The following CDH12 variants were observed in gnomAD, a reference collection of about 807,000 sequenced individuals.
CDH12 encodes the protein cadherin-12.
CDH12 carries 41 observed loss-of-function variants against 74.1 expected under a neutral mutation model. The observed-to-expected ratio is 0.55, with a 90% CI of 0.43 to 0.72. The LOEUF is 0.72. Ranked by LOEUF, CDH12 falls within the 30% of genes least tolerant of loss-of-function variation. The probability of loss-of-function intolerance (pLI) is 0.00; values close to 1 mark genes in which losing one functional copy is unlikely to be tolerated. For synonymous variants in CDH12, 399 were observed against 355.0 expected, an observed-to-expected ratio of 1.12 and a Z score of -1.39; for missense variants, 945 against 977.2, an observed-to-expected ratio of 0.97 and a Z score of 0.44.
intron 7 of CDH12, among the ~76,000 whole-genome samples, chr5:21,846,386 G>A (rs1750168602): frequency 6.6e-6 from 1 of 150,974 alleles, no homozygotes; most frequent in South Asian, 2.1e-4. Flanking sequence ...CTGTGTGTCT[G>A]CATCCTTGAT....
At position 21,961,825 on chromosome 5, in the gene CDH12, C is replaced by T. The variant is rs564775693; in HGVS notation, c.526+13266G>A. ...TAATACATTTTTGTTGCTTGAGGCA[C>T]CTAGTTTATGGTACTTTGTTATATA... On this transcript the variant is annotated intron_variant, in intron 6 of 14. Transcript: ENST00000382254. Among the ~76,000 whole-genome samples the T allele has an allele frequency of 3.0e-4, 46 of 152,144 alleles. No homozygotes were observed. The South Asian group carries it at 5.2e-3, about 17-fold the overall frequency.
intron 6 of CDH12, among the ~76,000 whole-genome samples, chr5:21,943,849 T>C (rs986778233): frequency 2.0e-5 from 3 of 152,080 alleles, no homozygotes; most frequent in Non-Finnish European, 4.4e-5. Context: ...CAAAAATTAT[T>C]TAAAACTTGA....
intron 5 of CDH12, among the ~76,000 whole-genome samples, chr5:22,047,092 C>T (rs1740007158): frequency 1.3e-5 from 2 of 152,116 alleles, no homozygotes; most frequent in African/African-American, 4.8e-5. Flanking sequence ...TTGATGTTGT[C>T]CAACATTTAA....
intron 1 of CDH12, among the ~76,000 whole-genome samples, chr5:22,829,700 C>G (rs946025843): frequency 1.3e-5 from 2 of 152,192 alleles, no homozygotes; most frequent in African/African-American, 4.8e-5. Flanking sequence ...ACTTCTACCC[C>G]AAGTAGTCAT....
intron 5 of CDH12, among the ~76,000 whole-genome samples, chr5:22,024,655 G>A (rs1401498372): frequency 6.6e-6 from 1 of 152,066 alleles, no homozygotes; most frequent in Non-Finnish European, 1.5e-5. Context: ...TGGGATTACA[G>A]GCACATGCTA....
At chr5:22,543,276 T>G (rs1240115936) in intron 1 of CDH12, among the ~76,000 whole-genome samples, 1 of 152,082 alleles carries the variant, frequency 6.6e-6, no homozygotes, top group Admixed American at 6.6e-5. Context: ...AATATAACAA[T>G]TGTATACCTT....
At chr5:22,236,621 C>T (rs1337007635) in intron 3 of CDH12, among the ~76,000 whole-genome samples, 1 of 152,118 alleles carries the variant, frequency 6.6e-6, no homozygotes, top group Non-Finnish European at 1.5e-5. Context: ...CTAGCGCAGG[C>T]CTGTATTCCC....
chr5:22,821,557 G>C (rs1252875577), intron 1 of CDH12, among the ~76,000 whole-genome samples: 1 of 152,088 alleles, frequency 6.6e-6, no homozygotes, highest in Admixed American at 6.6e-5. Context: ...TAAAATCAAT[G>C]TACAAAAATC....
chr5:22,195,243 C>T (rs1454100196), intron 4 of CDH12, among the ~76,000 whole-genome samples: 1 of 152,102 alleles, frequency 6.6e-6, no homozygotes, highest in Admixed American at 6.6e-5. Context: ...ATAATAATAA[C>T]CTCCTCAGCA....
chr5:22,071,057 C>T (rs12521788), intron 5 of CDH12, among the ~76,000 whole-genome samples: 48,361 of 151,868 alleles, frequency 0.32, 8,941 homozygotes, highest in African/African-American at 0.52. Flanking sequence ...TTGATAGGTG[C>T]AGCAAACCAC....
intron 1 of CDH12, among the ~76,000 whole-genome samples, chr5:22,751,145 G>A (rs990384536): frequency 2.0e-5 from 3 of 151,648 alleles, no homozygotes; most frequent in African/African-American, 7.3e-5. Context: ...AAAAATAAAT[G>A]GTTTAATTTG....
chr5:22,497,170 T>C (rs1747134612), intron 2 of CDH12, among the ~76,000 whole-genome samples: 1 of 152,212 alleles, frequency 6.6e-6, no homozygotes, highest in Non-Finnish European at 1.5e-5. Flanking sequence ...TTTGTTTAAA[T>C]AAACAAATCT....
At chr5:22,736,678 A>G (rs1403288503) in intron 1 of CDH12, among the ~76,000 whole-genome samples, 5 of 151,810 alleles carry the variant, frequency 3.3e-5, no homozygotes, top group African/African-American at 4.8e-5. Context: ...ATAGATTAGG[A>G]AAAAACTGGC....
At chr5:21,833,465 TTATTATATATCATA>T (rs1749337051) in intron 8 of CDH12, among the ~76,000 whole-genome samples, 3 of 83,260 alleles carry the variant, frequency 3.6e-5, no homozygotes, top group South Asian at 3.7e-4. Flanking sequence ...ATGATATATA[TTATTATATATCATA>T]TATTATATAT....
intron 4 of CDH12, chr5:22,143,319 T>G (rs540199932): frequency 6.5e-6 from 1 of 153,290 alleles, no homozygotes; most frequent in African/African-American, 2.4e-5. Context: ...TGATTTGTCT[T>G]TTAGCTATCG....
chr5:21,827,480 GAAAA>G lies in CDH12; in HGVS notation c.815-10352_815-10349del, dbSNP rs1351592586. 3.3e-5 allele frequency among the ~76,000 whole-genome samples: 5 copies of G among 152,064 alleles called. No individual in the cohort carries two copies. In the East Asian group the frequency reaches 9.7e-4, roughly 29 times the overall value. ...TAATTCTGCTACTGCACCCAAGAAA[GAAAA>G]GAAAACTTATTACATCTCTTTCTGT... On this transcript the variant is annotated intron_variant, in intron 8 of 14. Coordinates refer to ENST00000382254, the MANE Select transcript of CDH12 (RefSeq NM_004061.5).
chr5:22,152,627 G>A (rs1427087165), intron 4 of CDH12, among the ~76,000 whole-genome samples: 3 of 152,152 alleles, frequency 2.0e-5, no homozygotes, highest in African/African-American at 7.2e-5. Context: ...CTTTTGTGGT[G>A]AGAACAGTTA....
intron 1 of CDH12, among the ~76,000 whole-genome samples, chr5:22,779,897 A>T (rs2126343064): frequency 6.6e-6 from 1 of 152,304 alleles, no homozygotes; most frequent in Non-Finnish European, 1.5e-5. Flanking sequence ...GGAAAGAGAA[A>T]TTAATTTTTC....
At chr5:22,397,204 A>G (rs1742495544) in intron 3 of CDH12, among the ~76,000 whole-genome samples, 1 of 152,062 alleles carries the variant, frequency 6.6e-6, no homozygotes, top group African/African-American at 2.4e-5. Context: ...CTCTCAAATA[A>G]TCATGGCAAA....
Sources: gnomAD v4.1 joint callset for allele counts (sites outside exome capture counted in the v4.1 genomes callset) on GRCh38, gnomAD v4.1.1 for gene constraint, MANE v1.5 for transcripts, NCBI Gene and HGNC (gene_info 2026-07-23, HGNC 2026-07-21) for gene names.